CAMKMT: variants seen among roughly 807,000 people sequenced by gnomAD.
The protein encoded by CAMKMT is calmodulin-lysine N-methyltransferase.
Under a neutral mutation model 48.0 loss-of-function variants are expected in CAMKMT, and 53 were observed. The ratio of observed to expected loss-of-function variants is 1.10; its 90% confidence interval spans 0.89 to 1.39. CAMKMT has a LOEUF of 1.39. Ranked by LOEUF, CAMKMT falls within the 40% of genes most tolerant of loss-of-function variation. The pLI is 0.00. For missense variants in CAMKMT, 428 were observed against 402.7 expected, an observed-to-expected ratio of 1.06 and a Z score of -0.54; for synonymous variants, 165 against 152.3, an observed-to-expected ratio of 1.08 and a Z score of -0.61.
intron 3 of CAMKMT, among the ~76,000 whole-genome samples, chr2:44,574,069 T>C (rs1414317287): frequency 6.6e-6 from 1 of 152,234 alleles, no homozygotes; most frequent in Non-Finnish European, 1.5e-5. Flanking sequence ...AGAAATACAG[T>C]AGTATATTAC....
chr2:44,376,875 T>C (rs750738586), intron 2 of CAMKMT, among the ~76,000 whole-genome samples: 7 of 152,174 alleles, frequency 4.6e-5, no homozygotes, highest in Non-Finnish European at 8.8e-5. Flanking sequence ...TCCCAAGGTT[T>C]GTTGTCGTCT....
rs1336435987 is a variant in CAMKMT, at chr2:44,589,290, G to A, written c.377-114993G>A. Among the ~76,000 whole-genome samples, 9 of 50,386 alleles carry A rather than the reference G, an allele frequency of 1.8e-4. 1 individual carries two copies. In the South Asian group the frequency reaches 6.2e-3, roughly 35 times the overall value. 33.1% of individuals were successfully genotyped at this position (50,386 alleles called of 152,430 possible). ...GGGTCAGCCCCCCGCCTGGCCAGCC[G>A]CCCCATCCGGGAGGTGAGGGGCGCT... On this transcript the variant is annotated intron_variant, in intron 3 of 10. Coordinates refer to ENST00000378494, the MANE Select transcript of CAMKMT (RefSeq NM_024766.5).
At chr2:44,695,414 C>T (rs897445179) in intron 3 of CAMKMT, among the ~76,000 whole-genome samples, 3 of 152,114 alleles carry the variant, frequency 2.0e-5, no homozygotes, top group African/African-American at 7.2e-5. Context: ...CTATGAAGTC[C>T]CCCTACTCAC....
chr2:44,726,710 A>G (rs1320182073), intron 7 of CAMKMT, among the ~76,000 whole-genome samples: 1 of 152,144 alleles, frequency 6.6e-6, no homozygotes, highest in African/African-American at 2.4e-5. Context: ...ATGTCAAGAG[A>G]GTATTTCCTA....
At chr2:44,703,966 A>G (rs1393910205) in intron 3 of CAMKMT, among the ~76,000 whole-genome samples, 2 of 152,150 alleles carry the variant, frequency 1.3e-5, no homozygotes, top group African/African-American at 4.8e-5. Flanking sequence ...TGTGCACAAG[A>G]TGAAGATCTA....
intron 3 of CAMKMT, among the ~76,000 whole-genome samples, chr2:44,464,386 T>C (rs894093557): frequency 6.6e-6 from 1 of 152,166 alleles, no homozygotes; most frequent in Admixed American, 6.5e-5. Flanking sequence ...ATGGGAGTTC[T>C]AGAAGGAGAA....
At chr2:44,650,512 C>T (rs1057053152) in intron 3 of CAMKMT, among the ~76,000 whole-genome samples, 1 of 152,102 alleles carries the variant, frequency 6.6e-6, no homozygotes, top group African/African-American at 2.4e-5. Context: ...GCTCTATTTC[C>T]AAGTGACGTT....
chr2:44,709,998 C>G (rs926633992), intron 6 of CAMKMT, among the ~76,000 whole-genome samples: 1 of 151,656 alleles, frequency 6.6e-6, no homozygotes, highest in African/African-American at 2.4e-5. Context: ...GTATATTATT[C>G]TTATCATTTT....
Position 44,743,685 on chromosome 2 carries a change from G to T in CAMKMT, c.687G>T (p.Met229Ile), listed in dbSNP as rs769269218. The change falls in exon 8 of 11, where the codon ATG becomes ATT. Residue 229 changes from methionine (M) to isoleucine (I), a missense_variant. Coordinates refer to ENST00000378494, the MANE Select transcript of CAMKMT (RefSeq NM_024766.5). ...TGGAAGGACATTTTGACATTGTTAT[G>T]TGTGCTGACTGGTAAGTACATAAAA... is the stretch of plus-strand genomic sequence containing the variant. Reference protein sequence around the residue: ...SQLEGHFDIVMCADCLFLDQY... With the variant: ...SQLEGHFDIVICADCLFLDQY... The T allele has an allele frequency of 6.2e-7, 1 of 1,612,432 alleles. No individual in the cohort carries two copies. The highest frequency in any genetic ancestry group is 8.5e-7 in the Non-Finnish European group (1 of 1,178,762).
chr2:44,497,607 C>T (rs1191417532), intron 3 of CAMKMT, among the ~76,000 whole-genome samples: 1 of 151,818 alleles, frequency 6.6e-6, no homozygotes, highest in East Asian at 1.9e-4. Context: ...AAACCTCTAA[C>T]CAGGGACCTT....
intron 7 of CAMKMT, among the ~76,000 whole-genome samples, chr2:44,734,701 C>A (rs528829432): frequency 5.3e-5 from 8 of 152,262 alleles, no homozygotes; most frequent in Non-Finnish European, 1.0e-4. Flanking sequence ...GATGAGCCAC[C>A]ATGCCCAGCC....
intron 3 of CAMKMT, among the ~76,000 whole-genome samples, chr2:44,556,425 C>G (rs1399470271): frequency 1.3e-5 from 2 of 150,678 alleles, no homozygotes; most frequent in Non-Finnish European, 3.0e-5. Flanking sequence ...AGGCATGAGC[C>G]ACCGTGTCCA....
intron 3 of CAMKMT, among the ~76,000 whole-genome samples, chr2:44,676,046 A>G (rs567964862): frequency 7.2e-5 from 11 of 152,326 alleles, no homozygotes; most frequent in African/African-American, 2.6e-4. Flanking sequence ...TTGCATATAC[A>G]TACCATATTT....
chr2:44,668,510 C>T (rs1163506479), intron 3 of CAMKMT, among the ~76,000 whole-genome samples: 1 of 152,214 alleles, frequency 6.6e-6, no homozygotes, highest in Non-Finnish European at 1.5e-5. Context: ...CTCTTGACTC[C>T]ACAGTGCCCT....
At chr2:44,475,003 C>T (rs1030254619) in intron 3 of CAMKMT, among the ~76,000 whole-genome samples, 1 of 152,032 alleles carries the variant, frequency 6.6e-6, no homozygotes, top group Non-Finnish European at 1.5e-5. Context: ...AGATGAAACT[C>T]GAGAATGTAT....
At position 44,686,061 on chromosome 2, in the gene CAMKMT, C is replaced by T. The variant is rs980030968; in HGVS notation, c.377-18222C>T. On this transcript the variant is annotated intron_variant, in intron 3 of 10. Coordinates refer to ENST00000378494, the MANE Select transcript of CAMKMT (RefSeq NM_024766.5). Reference sequence around the variant, plus strand: ...CAAATTATGACTTTCTGACAGACACCTTCATCAGCTCTCATCTGAATAGTG... The same window carrying T: ...CAAATTATGACTTTCTGACAGACACTTTCATCAGCTCTCATCTGAATAGTG... Among the ~76,000 whole-genome samples the T allele has an allele frequency of 2.0e-5, 3 of 152,148 alleles. 1 individual carries two copies. The South Asian group carries it at 6.2e-4, about 32-fold the overall frequency.
intron 7 of CAMKMT, among the ~76,000 whole-genome samples, chr2:44,723,249 C>T (rs1486100202): frequency 1.3e-5 from 2 of 152,178 alleles, no homozygotes; most frequent in Admixed American, 6.5e-5. Flanking sequence ...CTAGAGTTCT[C>T]GCTGAGAGCT....
intron 3 of CAMKMT, among the ~76,000 whole-genome samples, chr2:44,668,421 T>C (rs1287803962): frequency 1.3e-5 from 2 of 152,170 alleles, no homozygotes; most frequent in African/African-American, 4.8e-5. Context: ...ACCACATTCC[T>C]CTCTCTGCTG....
Position 44,668,437 on chromosome 2 carries a change from C to T in CAMKMT, c.377-35846C>T, listed in dbSNP as rs189407337. Among the ~76,000 whole-genome samples the T allele has an allele frequency of 4.6e-5, 7 of 152,304 alleles. No individual in the cohort carries two copies. In the East Asian group the frequency reaches 9.7e-4, roughly 21 times the overall value. On this transcript the variant is annotated intron_variant, in intron 3 of 10. Coordinates refer to ENST00000378494, the MANE Select transcript of CAMKMT (RefSeq NM_024766.5). ...CCACATTCCTCTCTCTGCTGATCGA[C>T]TCCTATCACCATAAAATCATGTGGC... is the stretch of plus-strand genomic sequence containing the variant.
Sources: gnomAD v4.1 joint callset for allele counts (sites outside exome capture counted in the v4.1 genomes callset) on GRCh38, gnomAD v4.1.1 for gene constraint, MANE v1.5 for transcripts, NCBI Gene and HGNC (gene_info 2026-07-23, HGNC 2026-07-21) for gene names.